Variants in ARID1A observed in about 807,000 individuals in gnomAD.
ARID1A encodes AT-rich interactive domain-containing protein 1A.
Under a neutral mutation model 212.6 loss-of-function variants are expected in ARID1A, and 20 were observed. The ratio of observed to expected loss-of-function variants is 0.09; its 90% CI spans 0.07 to 0.14. The LOEUF (loss-of-function observed/expected upper bound fraction) is 0.14, where lower values mean the gene tolerates loss of function less well. Among genes scored for constraint, ARID1A ranks in the 10% least tolerant of loss-of-function variants. ARID1A has a pLI of 1.00. For missense variants in ARID1A, 2,587 were observed against 3,059.0 expected (o/e 0.85, Z 3.64); for synonymous variants, 1,376 against 1,222.1 (o/e 1.13, Z -2.63).
Position 26,773,365 on chromosome 1 carries a change from C to A in ARID1A, c.3735C>A (p.Phe1245Leu), listed in dbSNP as rs2081101351. 1 of 1,601,770 alleles carries A rather than the reference C, an allele frequency of 6.2e-7. No individual in the cohort carries two copies. The highest frequency in any genetic ancestry group is 8.5e-7 in the Non-Finnish European group (1 of 1,174,646). ...GCTCAGCTCCAGGGAGTGATCCCTTCATGTCCTCAGGGCAGGGCCCCAACG... is the reference window on the plus strand; with the variant it reads ...GCTCAGCTCCAGGGAGTGATCCCTTAATGTCCTCAGGGCAGGGCCCCAACG... Reference protein sequence around the residue: ...SMRKAPGSDPFMSSGQGPNGG... With the variant: ...SMRKAPGSDPLMSSGQGPNGG... Residue 1245 changes from phenylalanine to leucine, a missense_variant, in exon 15 of 20, where the codon TTC (phenylalanine) becomes TTA (leucine). Physicochemically the swap from Phe to Leu is conservative, Grantham distance 22 (BLOSUM62 0). This residue lies in a region of ARID1A where 890 missense variants were observed against 1,098.2 expected (regional missense o/e 0.81). Transcript: ENST00000324856.
At chr1:26,759,163 C>T (rs1025088029) in intron 4 of ARID1A, among the ~76,000 whole-genome samples, 20 of 152,142 alleles carry the variant, frequency 1.3e-4, no homozygotes, top group Non-Finnish European at 2.6e-4. Context: ...GGATCTCCTC[C>T]TCCTTGAGAT....
intron 19 of ARID1A, 137 bp from the exon 20 acceptor site, chr1:26,778,886 G>T: frequency 1.2e-6 from 1 of 825,588 alleles, no homozygotes; most frequent in Non-Finnish European, 1.8e-6. Context: ...AATTTGCTCT[G>T]TGGAGAACCT....
chr1:26,743,574 A>C (rs1466334052), intron 4 of ARID1A, among the ~76,000 whole-genome samples: 1 of 151,898 alleles, frequency 6.6e-6, no homozygotes, highest in Non-Finnish European at 1.5e-5. Flanking sequence ...GGTGGCTCAC[A>C]CCTATAGTCC....
intron 1 of ARID1A, among the ~76,000 whole-genome samples, chr1:26,721,112 G>C (rs1054097980): frequency 1.3e-5 from 2 of 152,060 alleles, no homozygotes; most frequent in African/African-American, 4.8e-5. Context: ...ATAAAAAGTT[G>C]TAAAGAAGGG....
Position 26,726,182 on chromosome 1 carries a change from T to G in ARID1A, c.1138-3469T>G, listed in dbSNP as rs542301617. Among the ~76,000 whole-genome samples, 24 of 150,058 alleles carry G rather than the reference T, an allele frequency of 1.6e-4. No individual in the cohort carries two copies. In the South Asian group the frequency reaches 4.4e-3, roughly 28 times the overall value. On this transcript the variant is annotated intron_variant, in intron 1 of 19. Transcript: ENST00000324856. ...TGGGTTTGTTTTTTTTTGTTTTTTT[T>G]TTTTTTTTGAGACAGACTCTTGCTC...
chr1:26,751,863 T>A (rs554639280), intron 4 of ARID1A, among the ~76,000 whole-genome samples: 1 of 152,346 alleles, frequency 6.6e-6, no homozygotes, highest in East Asian at 1.9e-4. Context: ...CCTTCTCTCC[T>A]GTGTCTTCCC....
At chr1:26,733,848 G>C (rs1432470147) in intron 4 of ARID1A, among the ~76,000 whole-genome samples, 1 of 152,198 alleles carries the variant, frequency 6.6e-6, no homozygotes. Flanking sequence ...ATTCTGACCT[G>C]AGAGAAATGG....
chr1:26,761,347 G>A (rs1406804443), intron 5 of ARID1A, 37 bp from the exon 6 acceptor site: 1 of 1,610,142 alleles, frequency 6.2e-7, no homozygotes, highest in South Asian at 1.1e-5. Flanking sequence ...CCCAGGCTTA[G>A]CCATGATATG....
chr1:26,763,591 G>A (rs1391733706), intron 8 of ARID1A, among the ~76,000 whole-genome samples: 4 of 152,186 alleles, frequency 2.6e-5, no homozygotes, highest in African/African-American at 9.6e-5. Context: ...TCAACATGGT[G>A]AAACCCCGTC....
intron 4 of ARID1A, among the ~76,000 whole-genome samples, chr1:26,736,595 T>TTCCA (rs2080732314): frequency 1.5e-5 from 2 of 130,040 alleles, no homozygotes; most frequent in African/African-American, 6.0e-5. Context: ...TGCCACTGCA[T>TTCCA]TCCAGCCTGA....
Position 26,697,423 on chromosome 1 carries a change from G to GGCGGCGGCAGCT in ARID1A, c.1029_1040dup (p.Ala346_Ala349dup), listed in dbSNP as rs997979656. Reference sequence around the variant, plus strand: ...TGGCCTCGCAGTGTTGGGGGGCTGCGGCGGCGGCAGCTGCGGCGGCGGCCG... The same window carrying GGCGGCGGCAGCT: ...TGGCCTCGCAGTGTTGGGGGGCTGCGGCGGCGGCAGCTGCGGCGGCAGCTGCGGCGGCGGCCG... On this transcript the variant is annotated inframe_insertion, in exon 1 of 20. Transcript: ENST00000324856. 38 of 1,348,294 alleles carry GGCGGCGGCAGCT rather than the reference G, an allele frequency of 2.8e-5. No individual in the cohort carries two copies. Among genetic ancestry groups the GGCGGCGGCAGCT allele is most frequent in the Non-Finnish European group, 3.3e-5 (35 of 1,061,044 alleles). The allele number at this position is 1,348,294 out of a possible 1,614,324, so 83.5% of individuals were successfully genotyped here.
chr1:26,730,011 A>C, intron 2 of ARID1A, 148 bp downstream of exon 2: 1 of 1,003,010 alleles, frequency 1.0e-6, no homozygotes, highest in Admixed American at 2.3e-5. Context: ...GCTACTAACA[A>C]AGCCAAAGCT....
chr1:26,780,282 G>A lies in ARID1A; in HGVS notation c.6384G>A (p.Gln2128=). The A allele has an allele frequency of 6.2e-7, 1 of 1,614,218 alleles. No homozygotes were observed. The highest frequency in any genetic ancestry group is 8.5e-7 in the Non-Finnish European group (1 of 1,180,038). ...VLETLSKLSI[Q]DNNVDLILAT... The stretch of plus-strand genomic sequence containing the variant: ...AAACCCTCAGCAAACTCAGCATCCA[G>A]GACAACAATGTGGACCTGATTCTGG... The change falls in exon 20 of 20, where the codon CAG becomes CAA. Residue 2128 remains glutamine, a synonymous_variant. Transcript: ENST00000324856. This position sits in a 1 kb window ranked among gnomAD's most constrained non-coding sequence, Gnocchi z 7.2.
chr1:26,750,479 A>G (rs2080874365), intron 4 of ARID1A, among the ~76,000 whole-genome samples: 1 of 152,154 alleles, frequency 6.6e-6, no homozygotes, highest in Admixed American at 6.5e-5. Context: ...TAAAGCCTCT[A>G]GAAAGGAGCC....
chr1:26,733,053 T>C (rs1465012712), intron 4 of ARID1A, among the ~76,000 whole-genome samples: 1 of 152,190 alleles, frequency 6.6e-6, no homozygotes, highest in Non-Finnish European at 1.5e-5. Context: ...GCAGAGAAGA[T>C]GGAGATATCA....
In ARID1A at chr1:26,731,457, A is replaced by C. The variant is rs2124789589; in HGVS notation, c.1656A>C (p.Ser552=). Residue 552 remains serine, a synonymous_variant, in exon 3 of 20, where the codon TCA becomes TCC. Coordinates refer to ENST00000324856, the MANE Select transcript of ARID1A (RefSeq NM_006015.6). ...ACCCCCAGAGCCAGCCCCCCTACTC[A>C]CAGCCACAGGCTCAGTCTCCTTACC... ...QQHPQSQPPY[S]QPQAQSPYQQ... is the part of the protein sequence containing the mutation. 1 of 1,612,676 alleles carries C rather than the reference A, an allele frequency of 6.2e-7. No homozygotes were observed. The highest frequency in any genetic ancestry group is 8.5e-7 in the Non-Finnish European group (1 of 1,179,666).
intron 1 of ARID1A, among the ~76,000 whole-genome samples, chr1:26,706,176 G>A (rs898646593): frequency 6.6e-6 from 1 of 152,012 alleles, no homozygotes; most frequent in Non-Finnish European, 1.5e-5. Context: ...TTTGCATTTG[G>A]GCTTCCTTAT....
intron 4 of ARID1A, among the ~76,000 whole-genome samples, chr1:26,743,638 G>T (rs1256758757): frequency 6.6e-6 from 1 of 151,770 alleles, no homozygotes; most frequent in Non-Finnish European, 1.5e-5. Flanking sequence ...TTCAAGACCA[G>T]CCTGGACAAC....
At chr1:26,739,741 G>A (rs2080770027) in intron 4 of ARID1A, among the ~76,000 whole-genome samples, 1 of 152,124 alleles carries the variant, frequency 6.6e-6, no homozygotes, top group African/African-American at 2.4e-5. Flanking sequence ...TCTGCTCTAT[G>A]GTGCTCATCA....
Sources: gnomAD v4.1 joint callset for allele counts (sites outside exome capture counted in the v4.1 genomes callset) on GRCh38, gnomAD v4.1.1 for gene constraint, gnomAD v4.1.1 regional missense constraint, Gnocchi (gnomAD v3.1) non-coding constraint, MANE v1.5 for transcripts, NCBI Gene and HGNC (gene_info 2026-07-23, HGNC 2026-07-21) for gene names.